Variants in PHKB observed in about 807,000 individuals in gnomAD.
PHKB encodes the protein phosphorylase kinase regulatory subunit beta.
PHKB carries 122 observed loss-of-function variants against 152.1 expected under a neutral mutation model. That is an observed-to-expected ratio of 0.80 (90% CI 0.69 to 0.93). PHKB has a LOEUF of 0.93. PHKB is among the 40% of genes least tolerant of loss of function. The pLI is 0.00. For missense variants in PHKB, 1,304 were observed against 1,328.4 expected, an observed-to-expected ratio of 0.98 and a Z score of 0.29; for synonymous variants, 436 against 464.9, an observed-to-expected ratio of 0.94 and a Z score of 0.80.
chr16:47,521,859 CATTG>C (rs1970691568), intron 6 of PHKB, among the ~76,000 whole-genome samples: 1 of 151,972 alleles, frequency 6.6e-6, no homozygotes, highest in South Asian at 2.1e-4. Context: ...TATACTACTT[CATTG>C]ATTGATTTTC....
intron 26 of PHKB, among the ~76,000 whole-genome samples, chr16:47,674,837 A>G (rs1301097272): frequency 6.6e-6 from 1 of 152,222 alleles, no homozygotes; most frequent in African/African-American, 2.4e-5. Context: ...AATGGTAGAC[A>G]GTTGCCGTGT....
chr16:47,631,700 C>T (rs1404262126), intron 14 of PHKB, among the ~76,000 whole-genome samples: 1 of 152,166 alleles, frequency 6.6e-6, no homozygotes. Context: ...CATTGTTCAA[C>T]TCCCGCTTAT....
intron 13 of PHKB, among the ~76,000 whole-genome samples, chr16:47,610,159 A>ATTTTTTTTTTTTTTTTTTTTT (rs371224839): frequency 3.0e-5 from 3 of 99,444 alleles, no homozygotes; most frequent in African/African-American, 4.1e-5. Flanking sequence ...TGCCCAGCTA[A>ATTTTTTTTTTTTTTTTTTTTT]TTTTTTTTTT....
chr16:47,516,362 G>A (rs948863438), intron 6 of PHKB, among the ~76,000 whole-genome samples: 3 of 152,164 alleles, frequency 2.0e-5, no homozygotes, highest in Admixed American at 2.0e-4. Context: ...CAAATACCAT[G>A]TTCTTATTCT....
intron 9 of PHKB, 36 bp from the exon 10 acceptor site, chr16:47,588,869 T>C (rs750669672): frequency 1.9e-6 from 3 of 1,552,870 alleles, no homozygotes; most frequent in Middle Eastern, 1.7e-4. Context: ...CACATCGCTG[T>C]GGACACTCAC....
At chr16:47,699,029 A>G in intron 30 of PHKB, 200 bp from the exon 31 acceptor site, 1 of 601,660 alleles carries the variant, frequency 1.7e-6, no homozygotes. Flanking sequence ...AAAATTATCA[A>G]CAAAGGAGAG....
At chr16:47,683,515 G>T (rs1047509703) in intron 26 of PHKB, among the ~76,000 whole-genome samples, 5 of 152,202 alleles carry the variant, frequency 3.3e-5, no homozygotes, top group Non-Finnish European at 5.9e-5. Flanking sequence ...ATCTCAGACT[G>T]CTGTGCTAGC....
At chr16:47,571,522 C>G (rs934238356) in intron 7 of PHKB, among the ~76,000 whole-genome samples, 1 of 152,204 alleles carries the variant, frequency 6.6e-6, no homozygotes, top group Non-Finnish European at 1.5e-5. Context: ...ACAAGCACCT[C>G]TGTCCATCTG....
At chr16:47,470,638 AGTAAC>A (rs1969749064) in intron 1 of PHKB, among the ~76,000 whole-genome samples, 2 of 152,204 alleles carry the variant, frequency 1.3e-5, no homozygotes, top group African/African-American at 4.8e-5. Flanking sequence ...AGGGAAGTAA[AGTAAC>A]TTACTTAAAG....
intron 7 of PHKB, chr16:47,566,389 C>T (rs1011518116): frequency 1.0e-4 from 157 of 1,561,892 alleles, no homozygotes; most frequent in Admixed American, 1.5e-4. Flanking sequence ...TGATCAGCAA[C>T]GTCCACTCAA....
chr16:47,547,459 T>A lies in PHKB; in HGVS notation c.621T>A (p.Phe207Leu). 3 of 1,610,720 alleles carry A rather than the reference T, an allele frequency of 1.9e-6. No individual in the cohort carries two copies. Among genetic ancestry groups the A allele is most frequent in the Non-Finnish European group, 2.5e-6 (3 of 1,176,970 alleles). Reference protein sequence around the residue: ...DEVSFIQNLVFCVERVYRVPD... With the variant: ...DEVSFIQNLVLCVERVYRVPD... ...TCTCTTTTATTCAAAACCTTGTATT[T>A]TGTGTGGAAAGAGTTTACCGTGTGC... is the stretch of plus-strand genomic sequence containing the variant. Residue 207 changes from phenylalanine (F) to leucine (L), a missense_variant, in exon 7 of 31, where the codon TTT becomes TTA. By Grantham distance (22) the Phe-to-Leu change is conservative. Transcript: ENST00000323584.
intron 13 of PHKB, chr16:47,598,633 A>C: frequency 7.2e-7 from 1 of 1,394,274 alleles, no homozygotes; most frequent in South Asian, 1.2e-5. Context: ...TCCCATCAAC[A>C]CACCAAAGTC....
chr16:47,663,667 C>T lies in PHKB; in HGVS notation c.2279-10C>T. 6.2e-7 allele frequency: 1 copy of T among 1,610,054 alleles called. No individual in the cohort carries two copies. The highest frequency in any genetic ancestry group is 8.5e-7 in the Non-Finnish European group (1 of 1,176,658). On this transcript the variant is annotated splice_polypyrimidine_tract_variant and intron_variant, in intron 23 of 30. Transcript: ENST00000323584. The stretch of plus-strand genomic sequence containing the variant: ...TTTGTTCAACAAAGACTCTATTATC[C>T]AATGTCTAGGTACCGTTTCTGATCA...
At chr16:47,464,015 AG>A (rs1567267215) in intron 1 of PHKB, 1 of 1,406,776 alleles carries the variant, frequency 7.1e-7, no homozygotes, top group Non-Finnish European at 1.0e-6. Context: ...AGACCCCAAA[AG>A]GGTCACTTGG....
At chr16:47,615,626 G>A (rs886797647) in intron 14 of PHKB, among the ~76,000 whole-genome samples, 7 of 152,190 alleles carry the variant, frequency 4.6e-5, no homozygotes, top group Non-Finnish European at 8.8e-5. Flanking sequence ...CATATGTGTA[G>A]TCTCAAGAGT....
chr16:47,488,966 T>C (rs1002171621), intron 1 of PHKB, among the ~76,000 whole-genome samples: 2 of 152,250 alleles, frequency 1.3e-5, no homozygotes, highest in African/African-American at 4.8e-5. Flanking sequence ...AATTTTTTTT[T>C]CTATTTCTGT....
chr16:47,496,749 G>C (rs926287339), intron 1 of PHKB, among the ~76,000 whole-genome samples: 1 of 152,158 alleles, frequency 6.6e-6, no homozygotes, highest in Admixed American at 6.5e-5. Context: ...CATGATTATT[G>C]TGTATTTTGT....
At chr16:47,549,793 C>T (rs1451639387) in intron 7 of PHKB, among the ~76,000 whole-genome samples, 1 of 152,088 alleles carries the variant, frequency 6.6e-6, no homozygotes, top group Non-Finnish European at 1.5e-5. Flanking sequence ...TCAGAAGGTC[C>T]CTGGTGACAA....
intron 8 of PHKB, among the ~76,000 whole-genome samples, chr16:47,586,838 T>A (rs1294330117): frequency 6.6e-6 from 1 of 152,226 alleles, no homozygotes; most frequent in Non-Finnish European, 1.5e-5. Context: ...ATGCACTAGT[T>A]TTAACCTGGT....
Sources: allele counts gnomAD v4.1 joint callset (sites outside exome capture counted in the v4.1 genomes callset), GRCh38; gene constraint gnomAD v4.1.1; transcripts MANE v1.5; gene names NCBI Gene and HGNC (gene_info 2026-07-23, HGNC 2026-07-21).